Variants in ABI2 observed in about 807,000 individuals in gnomAD.
ABI2 encodes the protein abelson interactor 2.
A neutral mutation model predicts 59.2 loss-of-function variants in ABI2; 25 were observed. That is an observed-to-expected ratio of 0.42 (90% CI 0.31 to 0.59). The LOEUF (loss-of-function observed/expected upper bound fraction) is 0.59, where lower values mean the gene tolerates loss of function less well. Among genes scored for constraint, ABI2 ranks in the 20% least tolerant of loss-of-function variants. The pLI is 0.14. For synonymous variants in ABI2, 213 were observed against 235.5 expected (o/e 0.90, Z 0.87); for missense variants, 545 against 681.8 (o/e 0.80, Z 2.23).
intron 8 of ABI2, among the ~76,000 whole-genome samples, chr2:203,398,867 C>T (rs540472831): frequency 5.3e-4 from 81 of 152,114 alleles, no homozygotes; most frequent in African/African-American, 1.8e-3. Flanking sequence ...CATGTTGTTG[C>T]ATGTTTAAGT....
chr2:203,370,107 G>A (rs1219734978), intron 2 of ABI2, among the ~76,000 whole-genome samples: 1 of 151,456 alleles, frequency 6.6e-6, no homozygotes, highest in Non-Finnish European at 1.5e-5. Context: ...AGGCCAGATG[G>A]TAACTATTTT....
intron 10 of ABI2, 65 bp from the exon 11 acceptor site, chr2:203,416,843 C>T: frequency 6.9e-7 from 1 of 1,451,440 alleles, no homozygotes; most frequent in Non-Finnish European, 9.2e-7. Context: ...AACCCAGAAG[C>T]TTGGATAGGA....
At chr2:203,356,519 C>T (rs1210331500) in intron 1 of ABI2, among the ~76,000 whole-genome samples, 1 of 152,158 alleles carries the variant, frequency 6.6e-6, no homozygotes, top group Non-Finnish European at 1.5e-5. Flanking sequence ...CAGGCGCGTG[C>T]TGCCACGCCC....
At position 203,340,546 on chromosome 2, in the gene ABI2, C is replaced by T. The variant is rs563024516; in HGVS notation, c.117+11915C>T. 4.1e-4 allele frequency among the ~76,000 whole-genome samples: 62 copies of T among 151,816 alleles called. No individual in the cohort carries two copies. The East Asian group carries it at 7.6e-3, about 19-fold the overall frequency. ...CACACATGGCTAATTTTTGTAGTGACGGGGTTTCGCCCTGTTGCCCAGGCT... is the reference window on the plus strand; with the variant it reads ...CACACATGGCTAATTTTTGTAGTGATGGGGTTTCGCCCTGTTGCCCAGGCT... On this transcript the variant is annotated intron_variant, in intron 1 of 11. Transcript: ENST00000261018.
intron 1 of ABI2, 165 bp downstream of exon 1, chr2:203,328,796 C>T (rs2070346784): frequency 9.7e-6 from 4 of 414,112 alleles, no homozygotes; most frequent in South Asian, 1.7e-4. Context: ...GGGAATTCTC[C>T]GGCTGGAGAA....
chr2:203,373,329 G>A (rs1227819955), intron 2 of ABI2, among the ~76,000 whole-genome samples: 1 of 152,238 alleles, frequency 6.6e-6, no homozygotes, highest in Admixed American at 6.5e-5. Context: ...CAGGCGTGGC[G>A]GCGCGCGCCT....
At chr2:203,346,235 TGAG>T (rs1249121389) in intron 1 of ABI2, among the ~76,000 whole-genome samples, 3 of 152,174 alleles carry the variant, frequency 2.0e-5, no homozygotes, top group Non-Finnish European at 4.4e-5. Context: ...TTTAAATCTT[TGAG>T]GAGTTTATTG....
intron 2 of ABI2, among the ~76,000 whole-genome samples, chr2:203,372,305 T>C (rs1261904638): frequency 1.3e-5 from 2 of 152,230 alleles, no homozygotes; most frequent in Non-Finnish European, 2.9e-5. Context: ...CAGAACAAAA[T>C]GAAAAGTCTC....
chr2:203,411,439 A>C, intron 10 of ABI2, 68 bp downstream of exon 10: 1 of 1,214,092 alleles, frequency 8.2e-7, no homozygotes. Context: ...TATGTGATTG[A>C]CTGGATAGTC....
At chr2:203,375,257 A>G (rs1478594614) in intron 2 of ABI2, among the ~76,000 whole-genome samples, 1 of 152,220 alleles carries the variant, frequency 6.6e-6, no homozygotes, top group Non-Finnish European at 1.5e-5. Flanking sequence ...TTTTTGGTTA[A>G]TGGGATCTGT....
chr2:203,328,438 G>C lies in ABI2; in HGVS notation c.-77G>C, dbSNP rs2069958389. On this transcript the variant is annotated 5_prime_UTR_variant, in exon 1 of 12. Coordinates refer to ENST00000261018, the MANE Select transcript of ABI2 (RefSeq NM_001375670.1). The stretch of plus-strand genomic sequence containing the variant: ...CGTCGCCGCCGCTCCTCCTCTCCCG[G>C]TCCTGGGTTTCCTTGGCGCTGCGGC... The C allele has an allele frequency of 8.1e-7, 1 of 1,241,130 alleles. No individual in the cohort carries two copies. Among genetic ancestry groups the C allele is most frequent in the South Asian group, 1.3e-5 (1 of 76,434 alleles). 76.9% of individuals were successfully genotyped at this position (1,241,130 alleles called of 1,614,324 possible).
chr2:203,376,015 G>T, intron 2 of ABI2: 1 of 1,366,592 alleles, frequency 7.3e-7, no homozygotes, highest in Non-Finnish European at 1.0e-6. Flanking sequence ...TATTATTATA[G>T]ATGTTTTTTA....
chr2:203,390,702 T>A (rs990074401), intron 4 of ABI2, among the ~76,000 whole-genome samples: 2 of 152,252 alleles, frequency 1.3e-5, no homozygotes, highest in African/African-American at 2.4e-5. Flanking sequence ...TTGATTGAGT[T>A]ACTCTTTATT....
intron 1 of ABI2, chr2:203,355,350 A>AT (rs1280007235): frequency 2.6e-5 from 5 of 191,388 alleles, no homozygotes; most frequent in Non-Finnish European, 5.7e-5. Flanking sequence ...TAAAAATAAA[A>AT]TAAAAAAAAA....
chr2:203,402,271 G>A lies in ABI2; in HGVS notation c.1034-305G>A, dbSNP rs543712948. Among the ~76,000 whole-genome samples, 3 of 152,296 alleles carry A rather than the reference G, an allele frequency of 2.0e-5. No individual in the cohort carries two copies. The East Asian group carries it at 5.8e-4, about 29-fold the overall frequency. On this transcript the variant is annotated intron_variant, in intron 8 of 11. Coordinates refer to ENST00000261018, the MANE Select transcript of ABI2 (RefSeq NM_001375670.1). ...GCTGGTCTGAAACTCCTGACCTCAAGTGATCTGCCTGCCTTGGCCTCCCAA... is the reference window on the plus strand; with the variant it reads ...GCTGGTCTGAAACTCCTGACCTCAAATGATCTGCCTGCCTTGGCCTCCCAA...
intron 4 of ABI2, among the ~76,000 whole-genome samples, chr2:203,389,249 C>G (rs1016749161): frequency 1.3e-5 from 2 of 152,136 alleles, no homozygotes; most frequent in African/African-American, 2.4e-5. Flanking sequence ...TTTACTCTTA[C>G]TTGATAATGT....
chr2:203,402,814 A>G, intron 9 of ABI2, 80 bp downstream of exon 9: 2 of 1,249,408 alleles, frequency 1.6e-6, no homozygotes, highest in Non-Finnish European at 2.2e-6. Context: ...TTAATTACAA[A>G]TAGTGCATGG....
At chr2:203,393,043 T>G (rs2096831543) in intron 5 of ABI2, among the ~76,000 whole-genome samples, 2 of 152,214 alleles carry the variant, frequency 1.3e-5, no homozygotes, top group Non-Finnish European at 2.9e-5. Flanking sequence ...AATTTTTACT[T>G]GGATGCAACA....
At chr2:203,368,427 A>G (rs1157596461) in intron 2 of ABI2, among the ~76,000 whole-genome samples, 7 of 152,060 alleles carry the variant, frequency 4.6e-5, no homozygotes, top group Non-Finnish European at 8.8e-5. Context: ...TTAAATGTGC[A>G]TATTATTATT....
Sources: gnomAD v4.1 joint callset for allele counts (sites outside exome capture counted in the v4.1 genomes callset) on GRCh38, gnomAD v4.1.1 for gene constraint, MANE v1.5 for transcripts, NCBI Gene and HGNC (gene_info 2026-07-23, HGNC 2026-07-21) for gene names.